Variants in NRXN3 observed in about 807,000 individuals in gnomAD.
NRXN3 encodes neurexin 3, also known as neurexin III.
Under a neutral mutation model 137.6 loss-of-function variants are expected in NRXN3, and 32 were observed. The observed-to-expected ratio is 0.23, with a 90% CI of 0.18 to 0.31. The LOEUF is 0.31. NRXN3 is among the 10% of genes least tolerant of loss of function. NRXN3 has a pLI of 1.00. For synonymous variants in NRXN3, 798 were observed against 784.5 expected (o/e 1.02, Z -0.29); for missense variants, 1,574 against 2,062.5 (o/e 0.76, Z 4.59).
At chr14:78,312,005 C>T (rs1236032315) in intron 4 of NRXN3, among the ~76,000 whole-genome samples, 1 of 152,088 alleles carries the variant, frequency 6.6e-6, no homozygotes, top group African/African-American at 2.4e-5. Flanking sequence ...GTAGCACAAT[C>T]GGGACTTAGA....
rs541423832 is a variant in NRXN3, at chr14:78,254,446, C to T, written c.709+10644C>T. Among the ~76,000 whole-genome samples, 437 of 152,120 alleles carry T rather than the reference C, an allele frequency of 2.9e-3. 4 individuals carry two copies. The highest frequency in any genetic ancestry group is 0.019 in the South Asian group (90 of 4,798). ...CTGTAATCCCAGCACTTTGGGAGGC[C>T]GAGGCAGGCAGATCACGAGGTCAGG... On this transcript the variant is annotated intron_variant, in intron 2 of 20. Transcript: ENST00000335750.
chr14:79,200,940 C>T (rs779945561), intron 15 of NRXN3: 4 of 143,628 alleles, frequency 2.8e-5, no homozygotes, highest in East Asian at 2.1e-4. Flanking sequence ...TTTGGAAATA[C>T]GTATTATATA....
rs367679708 is a variant in NRXN3, at chr14:79,840,206, G to T, written c.4094-21136G>T. Among the ~76,000 whole-genome samples, 10 of 152,226 alleles carry T rather than the reference G, an allele frequency of 6.6e-5. No individual in the cohort carries two copies. In the East Asian group the frequency reaches 9.7e-4, roughly 15 times the overall value. ...ACTCTATAACTCTGAGGTAAAAAGA[G>T]CAAACATAATGAAGTTATTTAGAGT... On this transcript the variant is annotated intron_variant, in intron 20 of 20. Transcript: ENST00000335750.
intron 15 of NRXN3, among the ~76,000 whole-genome samples, chr14:79,258,145 A>G (rs1006349403): frequency 1.3e-5 from 2 of 152,182 alleles, no homozygotes; most frequent in African/African-American, 4.8e-5. Flanking sequence ...CTCATGCTTA[A>G]AAGTTCTGCA....
chr14:79,336,647 C>T (rs998453207), intron 15 of NRXN3, among the ~76,000 whole-genome samples: 2 of 152,190 alleles, frequency 1.3e-5, no homozygotes, highest in South Asian at 2.1e-4. Context: ...AATGATTTCC[C>T]GAAGGCCACA....
At chr14:79,155,583 G>A (rs1354377477) in intron 15 of NRXN3, among the ~76,000 whole-genome samples, 1 of 151,336 alleles carries the variant, frequency 6.6e-6, no homozygotes, top group Non-Finnish European at 1.5e-5. Context: ...TGAAAAGTCG[G>A]TATTACTTCT....
intron 4 of NRXN3, among the ~76,000 whole-genome samples, chr14:78,557,750 C>G (rs2096752213): frequency 6.6e-6 from 1 of 152,030 alleles, no homozygotes; most frequent in South Asian, 2.1e-4. Context: ...GCCTCCCTCA[C>G]AGCTGGTACT....
intron 16 of NRXN3, among the ~76,000 whole-genome samples, chr14:79,561,818 AG>A (rs927317223): frequency 3.3e-5 from 5 of 152,194 alleles, no homozygotes; most frequent in Non-Finnish European, 4.4e-5. Context: ...AAAGAAAAAA[AG>A]CTCCAGGTTA....
rs1337121836 is a variant in NRXN3 at position 78,393,691 on chromosome 14, A to G, written c.757+95831A>G. On this transcript the variant is annotated intron_variant, in intron 4 of 20. Coordinates refer to ENST00000335750, the MANE Select transcript of NRXN3 (RefSeq NM_001330195.2). ...TTGACGGAAATTGTGTTAAATCTGT[A>G]TATCAATTTGAGAGAATTAAATCTT... 3.3e-5 allele frequency among the ~76,000 whole-genome samples: 5 copies of G among 152,058 alleles called. No individual in the cohort carries two copies. The South Asian group carries it at 6.2e-4, about 19-fold the overall frequency.
chr14:79,356,481 G>A (rs549886277), intron 15 of NRXN3, among the ~76,000 whole-genome samples: 153 of 152,220 alleles, frequency 1.0e-3, no homozygotes, highest in African/African-American at 3.6e-3. Context: ...CTCTGAAATC[G>A]TGTTCAAAAG....
chr14:78,765,721 G>A (rs188180845), intron 8 of NRXN3, among the ~76,000 whole-genome samples: 2,155 of 149,128 alleles, frequency 0.014, 53 homozygotes, highest in African/African-American at 0.05. Context: ...GTGAATAAAT[G>A]TTGATATATA....
intron 14 of NRXN3, among the ~76,000 whole-genome samples, chr14:78,986,217 T>C (rs557833153): frequency 6.6e-6 from 1 of 152,314 alleles, no homozygotes; most frequent in South Asian, 2.1e-4. Flanking sequence ...GTAATATGTT[T>C]TACCCTGTCA....
At chr14:78,320,995 A>G (rs1394970457) in intron 4 of NRXN3, among the ~76,000 whole-genome samples, 1 of 150,794 alleles carries the variant, frequency 6.6e-6, no homozygotes, top group African/African-American at 2.5e-5. Flanking sequence ...GCATGCCTGT[A>G]ATCCCAGCTA....
At chr14:79,159,518 G>C (rs1221637842) in intron 15 of NRXN3, among the ~76,000 whole-genome samples, 1 of 151,606 alleles carries the variant, frequency 6.6e-6, no homozygotes, top group Admixed American at 6.6e-5. Context: ...CTCCAATTAG[G>C]GTACAAAAAG....
chr14:78,338,509 G>T (rs1278391701), intron 4 of NRXN3, among the ~76,000 whole-genome samples: 1 of 152,130 alleles, frequency 6.6e-6, no homozygotes, highest in African/African-American at 2.4e-5. Context: ...GCCACCTGAT[G>T]GATAGCCTAG....
At chr14:78,987,115 T>C (rs149202) in intron 14 of NRXN3, among the ~76,000 whole-genome samples, 21,511 of 151,856 alleles carry the variant, frequency 0.14, 4,589 homozygotes, top group African/African-American at 0.47. Context: ...AGACTGCATT[T>C]GAATGTCCTG....
intron 8 of NRXN3, among the ~76,000 whole-genome samples, chr14:78,749,581 C>T (rs184235660): frequency 2.4e-3 from 360 of 152,284 alleles, no homozygotes; most frequent in African/African-American, 8.4e-3. Context: ...AAATCTGAAG[C>T]TGATGTTCTG....
intron 13 of NRXN3, among the ~76,000 whole-genome samples, chr14:78,967,671 C>T (rs1422934071): frequency 6.6e-6 from 1 of 152,066 alleles, no homozygotes; most frequent in Non-Finnish European, 1.5e-5. Context: ...GTGGGAAGGG[C>T]CGTAATACAG....
At chr14:78,230,104 A>C (rs2065182589) in intron 1 of NRXN3, among the ~76,000 whole-genome samples, 1 of 152,116 alleles carries the variant, frequency 6.6e-6, no homozygotes, top group South Asian at 2.1e-4. Flanking sequence ...GGCTCACTGC[A>C]ACCTCCGCCT....
Sources: allele counts gnomAD v4.1 joint callset (sites outside exome capture counted in the v4.1 genomes callset), GRCh38; gene constraint gnomAD v4.1.1; transcripts MANE v1.5; gene names NCBI Gene and HGNC (gene_info 2026-07-23, HGNC 2026-07-21).